Variants in LRRC34 observed in about 807,000 individuals in gnomAD.
LRRC34 encodes leucine-rich repeat-containing protein 34.
In LRRC34, 44 loss-of-function variants were observed where a neutral mutation model predicts 48.5. That is an observed-to-expected ratio of 0.91 (90% CI 0.71 to 1.17). The LOEUF (loss-of-function observed/expected upper bound fraction) is 1.17, where lower values mean the gene tolerates loss of function less well. Among genes scored for constraint, LRRC34 ranks in the 50% most tolerant of loss-of-function variants. LRRC34 has a pLI of 0.00. For missense variants in LRRC34, 502 were observed against 563.0 expected, an observed-to-expected ratio of 0.89 and a Z score of 1.10; for synonymous variants, 192 against 197.6, an observed-to-expected ratio of 0.97 and a Z score of 0.24.
intron 2 of LRRC34, chr3:169,808,015 A>C (rs925602204): frequency 2.0e-5 from 5 of 251,958 alleles, no homozygotes; most frequent in African/African-American, 1.1e-4. Flanking sequence ...TGATTTGCTT[A>C]GACTCACCCA....
At position 169,812,407 on chromosome 3, in the gene LRRC34, T is replaced by C. The variant is rs755981252; in HGVS notation, c.139+3A>G. The C allele has an allele frequency of 7.9e-6, 12 of 1,526,782 alleles. No homozygotes were observed. Among genetic ancestry groups the C allele is most frequent in the South Asian group, 1.2e-5 (1 of 83,644 alleles). 94.6% of individuals were successfully genotyped at this position (1,526,782 alleles called of 1,614,324 possible). On this transcript the variant is annotated splice_donor_region_variant and intron_variant, in intron 1 of 10. Transcript: ENST00000446859. This position sits in a 1 kb window ranked among gnomAD's most constrained non-coding sequence, Gnocchi z 4.3. ...CCGCGCAGACGTGCTCCCTACTTCT[T>C]ACCGCGCTGGACCGCCAGGGCCGCG... is the stretch of plus-strand genomic sequence containing the variant.
At chr3:169,805,868 G>C (rs1045190576) in intron 5 of LRRC34, among the ~76,000 whole-genome samples, 15 of 120,596 alleles carry the variant, frequency 1.2e-4, no homozygotes, top group Non-Finnish European at 1.8e-4. Context: ...TGGGCAACAA[G>C]AGCAAAACTC....
At chr3:169,802,757 G>T (rs555763686) in intron 6 of LRRC34, among the ~76,000 whole-genome samples, 27 of 152,260 alleles carry the variant, frequency 1.8e-4, no homozygotes, top group African/African-American at 5.3e-4. Flanking sequence ...TGGATCACCT[G>T]AGGTCGGGAG....
Position 169,812,867 on chromosome 3 carries a change from A to G in LRRC34, c.-319T>C, listed in dbSNP as rs1779655024. The stretch of plus-strand genomic sequence containing the variant: ...AAAGTGTGCACCGGCCTGCCGGGCC[A>G]GCGAAGAAGCAGAGTAGCATCAGCA... On this transcript the variant is annotated 5_prime_UTR_variant, in exon 1 of 11. Transcript: ENST00000446859. This position sits in a 1 kb window ranked among gnomAD's most constrained non-coding sequence, Gnocchi z 4.3. 3.0e-6 allele frequency: 1 copy of G among 338,860 alleles called. No individual in the cohort carries two copies. Among genetic ancestry groups the G allele is most frequent in the Non-Finnish European group, 5.4e-6 (1 of 185,838 alleles). 21.0% of individuals were successfully genotyped at this position (338,860 alleles called of 1,614,324 possible).
rs907242409 is a variant in LRRC34 at position 169,812,901 on chromosome 3, A to C, written c.-353T>G. On this transcript the variant is annotated 5_prime_UTR_variant, in exon 1 of 11. Transcript: ENST00000446859. The surrounding 1 kb of genome is among the most constrained non-coding windows in gnomAD (Gnocchi z 4.3). ...GCAGAGTAGCATCAGCACATGATAA[A>C]GGCGTTGGGCTTTGGGAGCATAAAG... 1 of 236,832 alleles carries C rather than the reference A, an allele frequency of 4.2e-6. No individual in the cohort carries two copies. The highest frequency in any genetic ancestry group is 2.3e-5 in the African/African-American group (1 of 44,106). 14.7% of individuals were successfully genotyped at this position (236,832 alleles called of 1,614,324 possible).
At chr3:169,802,268 C>G (rs1176347576) in intron 6 of LRRC34, among the ~76,000 whole-genome samples, 1 of 152,090 alleles carries the variant, frequency 6.6e-6, no homozygotes, top group African/African-American at 2.4e-5. Flanking sequence ...TGAAAATTAC[C>G]TCACTCTGCA....
chr3:169,798,109 C>T (rs752437453), intron 7 of LRRC34, among the ~76,000 whole-genome samples: 8 of 152,204 alleles, frequency 5.3e-5, no homozygotes, highest in Middle Eastern at 3.4e-3. Flanking sequence ...AGTCTAGGAA[C>T]GTAAAAAAAT....
rs1779595154 is a variant in LRRC34 at position 169,812,055 on chromosome 3, C to T, written c.139+355G>A. On this transcript the variant is annotated intron_variant, in intron 1 of 10. Transcript: ENST00000446859. The surrounding 1 kb of genome is among the most constrained non-coding windows in gnomAD (Gnocchi z 4.3). ...CCCCCCTGTGACCTGCTCTCTGGGA[C>T]TTTCACAAAAAGGGGGCTGAGAAGA... Among the ~76,000 whole-genome samples the T allele has an allele frequency of 6.6e-6, 1 of 152,042 alleles. No individual in the cohort carries two copies. Among genetic ancestry groups the T allele is most frequent in the South Asian group, 2.1e-4 (1 of 4,816 alleles).
At chr3:169,804,213 G>C in intron 5 of LRRC34, 32 bp from the exon 6 acceptor site, 1 of 1,521,648 alleles carries the variant, frequency 6.6e-7, no homozygotes, top group Non-Finnish European at 8.9e-7. Context: ...TTTAATAATT[G>C]TTAATCCACA....
intron 3 of LRRC34, 23 bp from the exon 4 acceptor site, chr3:169,807,513 T>C (rs2108244752): frequency 6.2e-7 from 1 of 1,612,120 alleles, no homozygotes; most frequent in Non-Finnish European, 8.5e-7. Flanking sequence ...TGAATAGAAG[T>C]GGATATTCAT....
intron 9 of LRRC34, chr3:169,795,812 A>G: frequency 8.0e-7 from 1 of 1,249,624 alleles, no homozygotes. Context: ...CTACATTTTG[A>G]AAGTCTTCTG....
At chr3:169,801,903 T>C (rs921850984) in intron 6 of LRRC34, among the ~76,000 whole-genome samples, 2 of 152,138 alleles carry the variant, frequency 1.3e-5, no homozygotes, top group African/African-American at 4.8e-5. Flanking sequence ...CTTGACCTGC[T>C]GGGTTCAAGC....
At position 169,796,277 on chromosome 3, in the gene LRRC34, A is replaced by G. The variant is rs777861751; in HGVS notation, c.1001T>C (p.Ile334Thr). The G allele has an allele frequency of 1.2e-6, 2 of 1,612,736 alleles. No homozygotes were observed. The highest frequency in any genetic ancestry group is 1.1e-5 in the South Asian group (1 of 90,940). ...LEVIDLSFNR[I>T]ENAGANYLSE... Reference sequence around the variant, plus strand: ...GAGATAGTTTGCGCCTGCATTTTCTATTCTGTTAAAGGAAAGATCTATTAC... The same window carrying G: ...GAGATAGTTTGCGCCTGCATTTTCTGTTCTGTTAAAGGAAAGATCTATTAC... The change falls in exon 9 of 11, where the codon ATA becomes ACA. Residue 334 changes from isoleucine (I) to threonine (T), a missense_variant. By Grantham distance (89) the Ile-to-Thr change is moderately conservative. Transcript: ENST00000446859.
At position 169,793,517 on chromosome 3, in the gene LRRC34, C is replaced by G; in HGVS notation, c.*118G>C. On this transcript the variant is annotated 3_prime_UTR_variant, in exon 11 of 11. Coordinates refer to ENST00000446859, the MANE Select transcript of LRRC34 (RefSeq NM_001172779.2). ...ATACAAAGTTTAATACAGTCATTAT[C>G]TTTTACACATTTGAAAAAAGTAACT... 2 of 747,782 alleles carry G rather than the reference C, an allele frequency of 2.7e-6. No individual in the cohort carries two copies. Among genetic ancestry groups the G allele is most frequent in the Non-Finnish European group, 4.2e-6 (2 of 473,472 alleles). The allele number at this position is 747,782 out of a possible 1,614,324, so 46.3% of individuals were successfully genotyped here. A position where few individuals can be genotyped will look rare whatever the true frequency, so the allele number is the denominator to read the frequency against.
At position 169,804,175 on chromosome 3, in the gene LRRC34, G is replaced by T; in HGVS notation, c.535C>A (p.Arg179=). ...ELIAKVLHKN[R]TLKYLRMTGN... is the part of the protein sequence containing the mutation. Reference sequence around the variant, plus strand: ...GTCATTCTTAGGTATTTCAGAGTCCGATTCTTCTGAAAAGGAAAAAAAACT... The same window carrying T: ...GTCATTCTTAGGTATTTCAGAGTCCTATTCTTCTGAAAAGGAAAAAAAACT... Residue 179 remains arginine, a synonymous_variant, in exon 6 of 11, where the codon CGG becomes AGG. Transcript: ENST00000446859. 1 of 1,571,956 alleles carries T rather than the reference G, an allele frequency of 6.4e-7. No individual in the cohort carries two copies. The highest frequency in any genetic ancestry group is 8.6e-7 in the Non-Finnish European group (1 of 1,160,376).
Position 169,812,564 on chromosome 3 carries a change from A to T in LRRC34, c.-16T>A, listed in dbSNP as rs1335843229. 9.5e-6 allele frequency: 14 copies of T among 1,467,036 alleles called. No individual in the cohort carries two copies. The highest frequency in any genetic ancestry group is 2.4e-5 in the Admixed American group (1 of 41,756). 90.9% of individuals were successfully genotyped at this position (1,467,036 alleles called of 1,614,324 possible). On this transcript the variant is annotated 5_prime_UTR_variant, in exon 1 of 11. Coordinates refer to ENST00000446859, the MANE Select transcript of LRRC34 (RefSeq NM_001172779.2). This position sits in a 1 kb window ranked among gnomAD's most constrained non-coding sequence, Gnocchi z 4.3. ...GCGCTGCCATGGCGACCGCGCGCGC[A>T]CTTACAGTCCGCCTGCAGCTGTGAG...
Position 169,804,209 on chromosome 3 carries a change from A to G in LRRC34, c.529-28T>C, listed in dbSNP as rs749851636. The G allele has an allele frequency of 6.5e-6, 10 of 1,535,566 alleles. No individual in the cohort carries two copies. In the Admixed American group the frequency reaches 1.6e-4, roughly 24 times the overall value. On this transcript the variant is annotated intron_variant, in intron 5 of 10. Coordinates refer to ENST00000446859, the MANE Select transcript of LRRC34 (RefSeq NM_001172779.2). ...GAAAAGGAAAAAAAACTTATTTAAT[A>G]ATTGTTAATCCACAGAATTCTATAT...
rs1779158399 is a variant in LRRC34, at chr3:169,800,690, T to C, written c.722A>G (p.Asn241Ser). 2 of 1,535,214 alleles carry C rather than the reference T, an allele frequency of 1.3e-6. No individual in the cohort carries two copies. The highest frequency in any genetic ancestry group is 1.7e-6 in the Non-Finnish European group (2 of 1,146,630). Residue 241 changes from asparagine (N) to serine (S), a missense_variant, in exon 7 of 11, where the codon AAC (asparagine) becomes AGC (serine). Transcript: ENST00000446859. ...ACTGTACAGTATAGGTCGGTTTAGG[T>C]TTATTGCCTTAATTGCTTGGTTTTG... is the stretch of plus-strand genomic sequence containing the variant. Reference protein sequence around the residue: ...LTQNQAIKAINLNRPILYSEQ... With the variant: ...LTQNQAIKAISLNRPILYSEQ...
rs907832664 is a variant in LRRC34, at chr3:169,812,396, T to C, written c.139+14A>G. On this transcript the variant is annotated intron_variant, in intron 1 of 10. Coordinates refer to ENST00000446859, the MANE Select transcript of LRRC34 (RefSeq NM_001172779.2). This position sits in a 1 kb window ranked among gnomAD's most constrained non-coding sequence, Gnocchi z 4.3. The stretch of plus-strand genomic sequence containing the variant: ...TCTGGGCCAGGCCGCGCAGACGTGC[T>C]CCCTACTTCTTACCGCGCTGGACCG... The C allele has an allele frequency of 4.2e-5, 64 of 1,524,682 alleles. No homozygotes were observed. The African/African-American group carries it at 6.9e-4, about 16-fold the overall frequency. 94.4% of individuals were successfully genotyped at this position (1,524,682 alleles called of 1,614,324 possible).
Sources: allele counts gnomAD v4.1 joint callset (sites outside exome capture counted in the v4.1 genomes callset), GRCh38; gene constraint gnomAD v4.1.1; non-coding constraint Gnocchi (gnomAD v3.1); transcripts MANE v1.5; gene names NCBI Gene and HGNC (gene_info 2026-07-23, HGNC 2026-07-21).